The following AKT3 variants were observed in gnomAD, a reference collection of about 807,000 sequenced individuals.
The protein encoded by AKT3 is AKT serine/threonine kinase 3, also known as RAC-gamma serine/threonine-protein kinase.
Under a neutral mutation model 65.3 loss-of-function variants are expected in AKT3, and 15 were observed. The ratio of observed to expected loss-of-function variants is 0.23; its 90% CI spans 0.15 to 0.35. AKT3 has a LOEUF of 0.35. AKT3 is among the 10% of genes least tolerant of loss of function. The pLI is 1.00. For missense variants in AKT3, 243 were observed against 576.5 expected (o/e 0.42, Z 5.92); for synonymous variants, 206 against 183.8 (o/e 1.12, Z -0.98).
At chr1:243,628,304 C>CT (rs768623078) in intron 6 of AKT3, among the ~76,000 whole-genome samples, 3,808 of 147,244 alleles carry the variant, frequency 0.026, 68 homozygotes, top group African/African-American at 0.06. Context: ...AGAAGAAAAC[C>CT]TTTTTTTTTT....
downstream of AKT3, among the ~76,000 whole-genome samples, chr1:243,499,354 A>G (rs565145934): frequency 3.3e-5 from 5 of 152,222 alleles, 1 homozygote; most frequent in Non-Finnish European, 5.9e-5. Flanking sequence ...CACTTGGCCT[A>G]CACCCTGTTT....
intron 2 of AKT3, among the ~76,000 whole-genome samples, chr1:243,696,155 T>C (rs987109440): frequency 7.2e-5 from 11 of 151,776 alleles, no homozygotes; most frequent in Middle Eastern, 3.4e-3. Flanking sequence ...CTTTTTTTTT[T>C]CAAAAAAGAA....
At chr1:243,625,118 G>C (rs1679053071) in intron 6 of AKT3, 1 of 151,748 alleles carries the variant, frequency 6.6e-6, no homozygotes, top group Non-Finnish European at 1.3e-5. Context: ...TGCCACTGCA[G>C]TTTGTGTTTT....
chr1:243,583,590 C>G (rs1179447444), intron 8 of AKT3, among the ~76,000 whole-genome samples: 1 of 126,084 alleles, frequency 7.9e-6, no homozygotes, highest in Non-Finnish European at 1.7e-5. Context: ...GAAAAACAAA[C>G]AAAAAAACCC....
chr1:243,733,298 T>G (rs888950597), intron 2 of AKT3, among the ~76,000 whole-genome samples: 3 of 152,240 alleles, frequency 2.0e-5, no homozygotes, highest in Non-Finnish European at 4.4e-5. Flanking sequence ...CAAAGCTGTT[T>G]AAAGTTTTGA....
At chr1:243,509,654 C>A (rs140944116) in intron 13 of AKT3, among the ~76,000 whole-genome samples, 40 of 152,260 alleles carry the variant, frequency 2.6e-4, no homozygotes, top group Admixed American at 7.8e-4. Context: ...CAGGTGCTTG[C>A]TGCGTTGGGC....
chr1:243,702,327 G>A (rs986555096), intron 2 of AKT3, among the ~76,000 whole-genome samples: 1 of 152,146 alleles, frequency 6.6e-6, no homozygotes, highest in Admixed American at 6.5e-5. Flanking sequence ...GCAGAACAAT[G>A]TAATGGTTAA....
intron 2 of AKT3, among the ~76,000 whole-genome samples, chr1:243,783,002 G>A (rs1691008565): frequency 6.6e-6 from 1 of 152,146 alleles, no homozygotes; most frequent in South Asian, 2.1e-4. Flanking sequence ...CCCTAGCACA[G>A]AGCTCCTAAA....
At chr1:243,713,661 CT>C (rs1558746062) in intron 2 of AKT3, among the ~76,000 whole-genome samples, 1 of 148,880 alleles carries the variant, frequency 6.7e-6, no homozygotes. Context: ...TCCTACCCCC[CT>C]AAACAGACAC....
chr1:243,812,718 C>T (rs931297918), intron 2 of AKT3, among the ~76,000 whole-genome samples: 10 of 152,058 alleles, frequency 6.6e-5, no homozygotes, highest in Non-Finnish European at 1.0e-4. Context: ...GACACATGCA[C>T]ACGTATGTTT....
chr1:243,842,428 T>G (rs1047929499), intron 2 of AKT3, among the ~76,000 whole-genome samples: 15 of 152,202 alleles, frequency 9.9e-5, no homozygotes, highest in African/African-American at 3.4e-4. Flanking sequence ...ATTGACCACA[T>G]AAGCAGGTGA....
chr1:243,542,604 T>C (rs909364032), intron 12 of AKT3, among the ~76,000 whole-genome samples: 3 of 152,186 alleles, frequency 2.0e-5, no homozygotes, highest in Non-Finnish European at 4.4e-5. Context: ...TAGGAATGAA[T>C]TGACTTTTAC....
At chr1:243,488,794 C>T (rs1665656890) in intron 13 of AKT3, among the ~76,000 whole-genome samples, 1 of 152,140 alleles carries the variant, frequency 6.6e-6, no homozygotes, top group Non-Finnish European at 1.5e-5. Context: ...TGATAGTGTA[C>T]TGAGATGGCT....
intron 10 of AKT3, among the ~76,000 whole-genome samples, chr1:243,559,790 G>A (rs1376197551): frequency 4.6e-5 from 7 of 152,108 alleles, no homozygotes; most frequent in African/African-American, 1.4e-4. Flanking sequence ...TCATTCACAA[G>A]AGAAGCAGTA....
intron 11 of AKT3, among the ~76,000 whole-genome samples, chr1:243,547,486 CA>C (rs1672755956): frequency 6.6e-6 from 1 of 151,998 alleles, no homozygotes; most frequent in African/African-American, 2.4e-5. Context: ...GGAAGAAAAC[CA>C]AATACGTCAT....
At chr1:243,678,296 T>G (rs1683670927) in intron 3 of AKT3, among the ~76,000 whole-genome samples, 1 of 152,078 alleles carries the variant, frequency 6.6e-6, no homozygotes, top group South Asian at 2.1e-4. Context: ...TCTTGGGTAT[T>G]TACTACAGCA....
chr1:243,732,605 T>C (rs570107493), intron 2 of AKT3, among the ~76,000 whole-genome samples: 2 of 152,240 alleles, frequency 1.3e-5, no homozygotes, highest in East Asian at 3.9e-4. Context: ...TTGAGAAAAA[T>C]AAGTAATAAA....
chr1:243,658,864 C>CAAAAAAA (rs58117921), intron 4 of AKT3, among the ~76,000 whole-genome samples: 3 of 82,922 alleles, frequency 3.6e-5, no homozygotes, highest in African/African-American at 4.7e-5. Context: ...CTTGTCTCTA[C>CAAAAAAA]AAAAAAAAAA....
chr1:243,640,796 T>C (rs1680321752), intron 5 of AKT3, among the ~76,000 whole-genome samples: 1 of 152,252 alleles, frequency 6.6e-6, no homozygotes, highest in Non-Finnish European at 1.5e-5. Flanking sequence ...TACAAAATCA[T>C]GAGATATTTA....
Sources: allele counts gnomAD v4.1 joint callset (sites outside exome capture counted in the v4.1 genomes callset), GRCh38; gene constraint gnomAD v4.1.1; transcripts MANE v1.5; gene names NCBI Gene and HGNC (gene_info 2026-07-23, HGNC 2026-07-21).